SMAD5: variants seen among roughly 807,000 people sequenced by gnomAD.
SMAD5 encodes the protein SMAD family member 5, also known as MAD, mothers against decapentaplegic homolog 5.
SMAD5 carries 9 observed loss-of-function variants against 43.1 expected under a neutral mutation model. The ratio of observed to expected loss-of-function variants is 0.21; its 90% CI spans 0.13 to 0.36. SMAD5 has a LOEUF of 0.36. SMAD5 is among the 10% of genes least tolerant of loss of function. The probability of loss-of-function intolerance (pLI) is 1.00; values close to 1 mark genes in which losing one functional copy is unlikely to be tolerated. For synonymous variants in SMAD5, 190 were observed against 192.4 expected (o/e 0.99, Z 0.10); for missense variants, 348 against 574.0 (o/e 0.61, Z 4.02).
chr5:136,149,941 G>A (rs1011069361), intron 2 of SMAD5, among the ~76,000 whole-genome samples: 2 of 151,724 alleles, frequency 1.3e-5, no homozygotes, highest in African/African-American at 4.8e-5. Flanking sequence ...TTGAAGTTTA[G>A]TGGCATACCC....
chr5:136,150,956 G>C (rs1753435565), intron 2 of SMAD5, among the ~76,000 whole-genome samples: 1 of 152,082 alleles, frequency 6.6e-6, no homozygotes, highest in Middle Eastern at 3.4e-3. Context: ...GGGCACAGTG[G>C]CTCAAGCCTA....
Position 136,171,565 on chromosome 5 carries a change from C to T in SMAD5, c.776-869C>T, listed in dbSNP as rs115029685. On this transcript the variant is annotated intron_variant, in intron 5 of 7. Transcript: ENST00000545279. Reference sequence around the variant, plus strand: ...TTTCAGCTTCCTTGACCCATCATCACTCCCTTATTTTTTGTTTTTCCATTT... The same window carrying T: ...TTTCAGCTTCCTTGACCCATCATCATTCCCTTATTTTTTGTTTTTCCATTT... Among the ~76,000 whole-genome samples, 308 of 152,294 alleles carry T rather than the reference C, an allele frequency of 2.0e-3. 1 individual carries two copies. Among genetic ancestry groups the T allele is most frequent in the African/African-American group, 7.1e-3 (293 of 41,554 alleles).
intron 2 of SMAD5, among the ~76,000 whole-genome samples, chr5:136,149,019 A>G (rs934825110): frequency 6.6e-6 from 1 of 151,830 alleles, no homozygotes; most frequent in African/African-American, 2.4e-5. Flanking sequence ...CTAGCTCCCT[A>G]GAAGGCTGTC....
Position 136,136,849 on chromosome 5 carries a change from C to T in SMAD5, c.-245+3887C>T, listed in dbSNP as rs1004452655. 5.9e-5 allele frequency among the ~76,000 whole-genome samples: 9 copies of T among 152,194 alleles called. No individual in the cohort carries two copies. The East Asian group carries it at 1.7e-3, about 29-fold the overall frequency. Reference sequence around the variant, plus strand: ...TAGCTGGGATTACAGGCACCCACCACCACGTCCAGCTCATTTTTTGAATTT... The same window carrying T: ...TAGCTGGGATTACAGGCACCCACCATCACGTCCAGCTCATTTTTTGAATTT... On this transcript the variant is annotated intron_variant, in intron 1 of 7. Transcript: ENST00000545279.
chr5:136,155,357 A>G (rs1753599983), intron 3 of SMAD5, among the ~76,000 whole-genome samples: 1 of 152,268 alleles, frequency 6.6e-6, no homozygotes, highest in Admixed American at 6.5e-5. Flanking sequence ...AATATGTCTT[A>G]ATAAATATGT....
intron 7 of SMAD5, among the ~76,000 whole-genome samples, chr5:136,176,416 T>C (rs1235415784): frequency 1.4e-5 from 2 of 140,204 alleles, no homozygotes; most frequent in Non-Finnish European, 3.0e-5. Flanking sequence ...GATTGCGCCA[T>C]TGCATTCCAG....
Position 136,160,873 on chromosome 5 carries a change from G to C in SMAD5, c.421G>C (p.Val141Leu), listed in dbSNP as rs1390763227. 1.2e-6 allele frequency: 2 copies of C among 1,613,748 alleles called. No individual in the cohort carries two copies. The highest frequency in any genetic ancestry group is 1.7e-6 in the Non-Finnish European group (2 of 1,179,826). ...VESPVLPPVL[V>L]PRHNEFNPQH... ...TTTTTCAGTCTTACCTCCAGTATTA[G>C]TGCCTCGTCATAATGAATTCAATCC... Residue 141 changes from valine to leucine, a missense_variant, in exon 4 of 8, where the codon GTG becomes CTG. Coordinates refer to ENST00000545279, the MANE Select transcript of SMAD5 (RefSeq NM_005903.7).
intron 2 of SMAD5, among the ~76,000 whole-genome samples, chr5:136,152,280 C>A (rs1284932385): frequency 5.3e-5 from 8 of 152,124 alleles, no homozygotes; most frequent in African/African-American, 1.9e-4. Context: ...TTAAACCCTA[C>A]TTGGCATAAC....
At chr5:136,145,140 A>G (rs1352414151) in intron 1 of SMAD5, among the ~76,000 whole-genome samples, 1 of 151,632 alleles carries the variant, frequency 6.6e-6, no homozygotes, top group African/African-American at 2.4e-5. Flanking sequence ...CTCATAACAT[A>G]ACATTAACTG....
chr5:136,161,087 G>C lies in SMAD5; in HGVS notation c.635G>C (p.Gly212Ala). 6.2e-7 allele frequency: 1 copy of C among 1,612,962 alleles called. No individual in the cohort carries two copies. Among genetic ancestry groups the C allele is most frequent in the Non-Finnish European group, 8.5e-7 (1 of 1,179,756 alleles). ...YPNSPASSGPGSPFQLPADTP... is the reference protein window; with the variant it reads ...YPNSPASSGPASPFQLPADTP... ...AACTCCCCAGCAAGTTCTGGACCAG[G>C]AAGTCCATTTCAGCTCCCAGGTAAG... Residue 212 changes from glycine (G) to alanine (A), a missense_variant, in exon 4 of 8, where the codon GGA becomes GCA. This residue lies in a region of SMAD5 where 185 missense variants were observed against 207.0 expected (regional missense o/e 0.89). Coordinates refer to ENST00000545279, the MANE Select transcript of SMAD5 (RefSeq NM_005903.7).
At chr5:136,155,382 T>G (rs1034826642) in intron 3 of SMAD5, among the ~76,000 whole-genome samples, 1 of 152,224 alleles carries the variant, frequency 6.6e-6, no homozygotes, top group Non-Finnish European at 1.5e-5. Context: ...TCTCATCATT[T>G]GTGACATCAC....
intron 5 of SMAD5, among the ~76,000 whole-genome samples, chr5:136,165,210 G>A (rs776956891): frequency 4.6e-5 from 7 of 151,968 alleles, no homozygotes; most frequent in Non-Finnish European, 8.8e-5. Context: ...GTGCAGTGGC[G>A]TGATCATAGC....
At chr5:136,133,807 A>G (rs1752769670) in intron 1 of SMAD5, 1 of 154,616 alleles carries the variant, frequency 6.5e-6, no homozygotes, top group Admixed American at 6.6e-5. Context: ...CGCCCGTCTT[A>G]AGTCTGAGCA....
intron 7 of SMAD5, among the ~76,000 whole-genome samples, chr5:136,175,092 A>T (rs1754368174): frequency 6.6e-6 from 1 of 152,170 alleles, no homozygotes. Flanking sequence ...GGCAAGAGAG[A>T]ATGAGAGCCA....
intron 5 of SMAD5, 54 bp from the exon 6 acceptor site, chr5:136,172,380 C>A: frequency 9.6e-7 from 1 of 1,039,278 alleles, no homozygotes; most frequent in Non-Finnish European, 1.4e-6. Context: ...AACACATGGA[C>A]AATCTGAGTT....
chr5:136,165,870 A>C (rs1367530936), intron 5 of SMAD5, among the ~76,000 whole-genome samples: 4 of 151,844 alleles, frequency 2.6e-5, no homozygotes, highest in Non-Finnish European at 4.4e-5. Flanking sequence ...ATTGTGAATA[A>C]TACTACTGTG....
At chr5:136,156,001 A>C (rs1316048128) in intron 3 of SMAD5, among the ~76,000 whole-genome samples, 1 of 152,104 alleles carries the variant, frequency 6.6e-6, no homozygotes, top group Non-Finnish European at 1.5e-5. Context: ...TTATTACCTC[A>C]CAGTTTCTTT....
chr5:136,154,612 A>C (rs1753571854), intron 3 of SMAD5, among the ~76,000 whole-genome samples: 1 of 152,198 alleles, frequency 6.6e-6, no homozygotes, highest in Non-Finnish European at 1.5e-5. Flanking sequence ...AAACTTAAAA[A>C]AAAATTCTGC....
chr5:136,134,301 A>T (rs1338238477), intron 1 of SMAD5: 1 of 152,518 alleles, frequency 6.6e-6, no homozygotes, highest in Non-Finnish European at 1.5e-5. Flanking sequence ...GAAAATTCGT[A>T]TTTAAAACTA....
Sources: gnomAD v4.1 joint callset for allele counts (sites outside exome capture counted in the v4.1 genomes callset) on GRCh38, gnomAD v4.1.1 for gene constraint, gnomAD v4.1.1 regional missense constraint, MANE v1.5 for transcripts, NCBI Gene and HGNC (gene_info 2026-07-23, HGNC 2026-07-21) for gene names.